PARD3: variants seen among roughly 807,000 people sequenced by gnomAD.
PARD3 encodes partitioning defective 3 homolog.
In PARD3, 75 loss-of-function variants were observed where a neutral mutation model predicts 155.4. The observed-to-expected ratio is 0.48, with a 90% confidence interval of 0.40 to 0.58. PARD3 has a LOEUF of 0.58. PARD3 is among the 20% of genes least tolerant of loss of function. The probability of loss-of-function intolerance (pLI) is 0.00; values close to 1 mark genes in which losing one functional copy is unlikely to be tolerated. For missense variants in PARD3, 1,642 were observed against 1,721.7 expected, an observed-to-expected ratio of 0.95 and a Z score of 0.82; for synonymous variants, 576 against 610.5, an observed-to-expected ratio of 0.94 and a Z score of 0.83.
intron 7 of PARD3, among the ~76,000 whole-genome samples, chr10:34,395,421 T>G (rs1843221646): frequency 6.6e-6 from 1 of 152,204 alleles, no homozygotes; most frequent in Admixed American, 6.5e-5. Context: ...TTTAGGTAAA[T>G]GTTTTTCTAC....
At chr10:34,568,767 T>C (rs1481239189) in intron 2 of PARD3, among the ~76,000 whole-genome samples, 1 of 152,222 alleles carries the variant, frequency 6.6e-6, no homozygotes, top group African/African-American at 2.4e-5. Context: ...CAGGGCAAAT[T>C]AACCTCTCTG....
At chr10:34,581,091 C>T (rs1007992441) in intron 2 of PARD3, among the ~76,000 whole-genome samples, 1 of 152,066 alleles carries the variant, frequency 6.6e-6, no homozygotes, top group African/African-American at 2.4e-5. Flanking sequence ...CAATGTTAAA[C>T]ATATCTTGAT....
intron 1 of PARD3, among the ~76,000 whole-genome samples, chr10:34,797,253 CGAT>C (rs1842368493): frequency 6.6e-6 from 1 of 152,146 alleles, no homozygotes; most frequent in African/African-American, 2.4e-5. Flanking sequence ...TGGGCTCAAG[CGAT>C]TCTCCCACCT....
At chr10:34,417,191 C>T (rs1296684508) in intron 5 of PARD3, among the ~76,000 whole-genome samples, 1 of 152,132 alleles carries the variant, frequency 6.6e-6, no homozygotes, top group Non-Finnish European at 1.5e-5. Flanking sequence ...TCCAGTTCTT[C>T]AGCATGAACC....
At chr10:34,416,220 G>T (rs1275021314) in intron 5 of PARD3, among the ~76,000 whole-genome samples, 1 of 152,126 alleles carries the variant, frequency 6.6e-6, no homozygotes, top group Non-Finnish European at 1.5e-5. Flanking sequence ...AGTTTACTGG[G>T]GAAGGTGTCA....
intron 3 of PARD3, among the ~76,000 whole-genome samples, chr10:34,494,006 G>A (rs886755458): frequency 2.6e-5 from 4 of 152,146 alleles, no homozygotes; most frequent in African/African-American, 9.7e-5. Context: ...CCATGGAAAT[G>A]GGAAAATGTG....
At chr10:34,317,588 T>C (rs1958087185) in intron 19 of PARD3, among the ~76,000 whole-genome samples, 1 of 152,168 alleles carries the variant, frequency 6.6e-6, no homozygotes, top group Non-Finnish European at 1.5e-5. Flanking sequence ...GGGATGCTGA[T>C]GCACCCACAG....
chr10:34,298,542 C>G (rs1957014102), intron 20 of PARD3, among the ~76,000 whole-genome samples: 2 of 152,126 alleles, frequency 1.3e-5, no homozygotes, highest in Admixed American at 1.3e-4. Context: ...CTCAAGTAGT[C>G]AAACTCATAG....
chr10:34,210,214 A>G (rs1951674989), intron 22 of PARD3, among the ~76,000 whole-genome samples: 1 of 151,400 alleles, frequency 6.6e-6, no homozygotes, highest in Non-Finnish European at 1.5e-5. Context: ...GCACTCACAC[A>G]TGTATTGTAC....
intron 19 of PARD3, among the ~76,000 whole-genome samples, chr10:34,319,187 C>T (rs1958220744): frequency 6.6e-6 from 1 of 150,726 alleles, no homozygotes. Flanking sequence ...CTCCCGGGTT[C>T]ATGTGATTCT....
chr10:34,168,206 GTTAATAATTTAAT>G (rs1949626299), intron 22 of PARD3, among the ~76,000 whole-genome samples: 1 of 152,086 alleles, frequency 6.6e-6, no homozygotes, highest in African/African-American at 2.4e-5. Context: ...CAACAGAAAT[GTTAATAATTTAAT>G]ATATGATAAA....
At chr10:34,284,948 A>G (rs532967550) in intron 20 of PARD3, among the ~76,000 whole-genome samples, 1 of 152,378 alleles carries the variant, frequency 6.6e-6, no homozygotes, top group East Asian at 1.9e-4. Context: ...AAGTTTCTGC[A>G]GATGGGTGCT....
intron 5 of PARD3, among the ~76,000 whole-genome samples, chr10:34,425,418 T>G (rs569893705): frequency 1.3e-5 from 2 of 152,154 alleles, no homozygotes; most frequent in South Asian, 4.1e-4. Context: ...CCAATTTGCT[T>G]TTCTTTTCTT....
intron 2 of PARD3, among the ~76,000 whole-genome samples, chr10:34,654,407 A>G (rs967712377): frequency 6.6e-6 from 1 of 152,240 alleles, no homozygotes; most frequent in African/African-American, 2.4e-5. Context: ...CAGCCAATAA[A>G]CAGCAGGGCT....
chr10:34,266,126 A>G lies in PARD3; in HGVS notation c.3419+3531T>C, dbSNP rs552010527. ...GCTTTATGGTTGTATAATGGTTGTC[A>G]ACAGAAGGAGTTTAGTCCTATTTTA... On this transcript the variant is annotated intron_variant, in intron 22 of 24. Transcript: ENST00000374788. 3.4e-4 allele frequency among the ~76,000 whole-genome samples: 52 copies of G among 152,206 alleles called. 1 individual carries two copies. The highest frequency in any genetic ancestry group is 5.9e-4 in the Non-Finnish European group (40 of 68,032).
intron 1 of PARD3, among the ~76,000 whole-genome samples, chr10:34,797,241 C>A (rs1405237232): frequency 1.3e-5 from 2 of 152,174 alleles, no homozygotes; most frequent in African/African-American, 4.8e-5. Flanking sequence ...TCCTTGAACT[C>A]TTGGGCTCAA....
chr10:34,546,026 C>T (rs1478041509), intron 2 of PARD3, among the ~76,000 whole-genome samples: 1 of 152,014 alleles, frequency 6.6e-6, no homozygotes, highest in African/African-American at 2.4e-5. Flanking sequence ...ATTGCTTGCG[C>T]TATAAGCATG....
At chr10:34,395,355 G>A (rs895029706) in intron 7 of PARD3, among the ~76,000 whole-genome samples, 4 of 152,028 alleles carry the variant, frequency 2.6e-5, no homozygotes, top group African/African-American at 9.7e-5. Context: ...ATTTAAATCA[G>A]GAGGAAATGA....
intron 22 of PARD3, among the ~76,000 whole-genome samples, chr10:34,237,917 T>A (rs938701410): frequency 6.6e-5 from 10 of 152,146 alleles, no homozygotes; most frequent in Admixed American, 3.9e-4. Flanking sequence ...GAATTTAGTT[T>A]ATGAATACTG....
Sources: gnomAD v4.1 joint callset for allele counts (sites outside exome capture counted in the v4.1 genomes callset) on GRCh38, gnomAD v4.1.1 for gene constraint, MANE v1.5 for transcripts, NCBI Gene and HGNC (gene_info 2026-07-23, HGNC 2026-07-21) for gene names.